ERBB4: variants seen among roughly 807,000 people sequenced by gnomAD.
ERBB4 encodes erb-b2 receptor tyrosine kinase 4, also known as receptor tyrosine-protein kinase erbB-4.
Under a neutral mutation model 158.0 loss-of-function variants are expected in ERBB4, and 42 were observed. The observed-to-expected ratio is 0.27, with a 90% CI of 0.21 to 0.34. The LOEUF (loss-of-function observed/expected upper bound fraction) is 0.34. ERBB4 is among the 10% of genes least tolerant of loss of function. The probability of loss-of-function intolerance (pLI) is 1.00; values close to 1 mark genes in which losing one functional copy is unlikely to be tolerated. For synonymous variants in ERBB4, 583 were observed against 558.7 expected (o/e 1.04, Z -0.61); for missense variants, 1,333 against 1,624.1 (o/e 0.82, Z 3.08).
chr2:211,772,955 A>ATTTTT lies in ERBB4; in HGVS notation c.556+15065_556+15069dup, dbSNP rs1328976588. Among the ~76,000 whole-genome samples, 269 of 83,292 alleles carry ATTTTT rather than the reference A, an allele frequency of 3.2e-3. 20 individuals carry two copies. The Middle Eastern group carries it at 0.033, about 10-fold the overall frequency. 54.6% of individuals were successfully genotyped at this position (83,292 alleles called of 152,430 possible). A position where few individuals can be genotyped will look rare whatever the true frequency, so the allele number is the denominator to read the frequency against. ...TATATATATATATATATATATATAT[A>ATTTTT]TTTTTTTTTTTAAAGATGGGGTCCT... On this transcript the variant is annotated intron_variant, in intron 4 of 27. Transcript: ENST00000342788.
At chr2:211,916,852 C>T (rs1044955471) in intron 3 of ERBB4, among the ~76,000 whole-genome samples, 1 of 152,078 alleles carries the variant, frequency 6.6e-6, no homozygotes, top group Non-Finnish European at 1.5e-5. Context: ...TACATATTTT[C>T]TTCTTAAGAA....
At chr2:212,030,860 G>C (rs2076887061) in intron 2 of ERBB4, among the ~76,000 whole-genome samples, 1 of 152,074 alleles carries the variant, frequency 6.6e-6, no homozygotes, top group South Asian at 2.1e-4. Context: ...GTTTGAAATT[G>C]AGCCAGCCGT....
intron 1 of ERBB4, among the ~76,000 whole-genome samples, chr2:212,171,719 T>G (rs904424236): frequency 4.6e-5 from 7 of 152,184 alleles, no homozygotes; most frequent in Non-Finnish European, 8.8e-5. Context: ...TTCTCTTGCC[T>G]GCTGCCACGT....
At chr2:211,638,983 T>C (rs747946838) in intron 16 of ERBB4, among the ~76,000 whole-genome samples, 1 of 152,126 alleles carries the variant, frequency 6.6e-6, no homozygotes, top group East Asian at 1.9e-4. Flanking sequence ...ATATATAATC[T>C]ATCTAGGAAT....
chr2:211,655,104 G>T (rs555745767), intron 16 of ERBB4, among the ~76,000 whole-genome samples: 2 of 152,204 alleles, frequency 1.3e-5, no homozygotes, highest in African/African-American at 2.4e-5. Context: ...TATCAGTGTG[G>T]TTTTAACCTT....
chr2:212,121,359 C>G (rs1023045859), intron 2 of ERBB4, among the ~76,000 whole-genome samples: 2 of 152,090 alleles, frequency 1.3e-5, no homozygotes, highest in African/African-American at 2.4e-5. Context: ...AGTACAGATG[C>G]CTGCAACCAC....
chr2:211,458,359 C>T (rs930682564), intron 20 of ERBB4, among the ~76,000 whole-genome samples: 4 of 151,974 alleles, frequency 2.6e-5, no homozygotes, highest in Non-Finnish European at 4.4e-5. Flanking sequence ...CTCCGCCTCC[C>T]GGGTTCAAGT....
At chr2:212,522,426 T>C (rs894548489) in intron 1 of ERBB4, among the ~76,000 whole-genome samples, 2 of 151,250 alleles carry the variant, frequency 1.3e-5, no homozygotes, top group East Asian at 3.9e-4. Flanking sequence ...CATTAAATTA[T>C]GAAAAGCGAT....
intron 19 of ERBB4, among the ~76,000 whole-genome samples, chr2:211,611,431 C>CTTTTGCTTTCGCTTTAT (rs1480768549): frequency 2.0e-5 from 3 of 152,154 alleles, no homozygotes; most frequent in Admixed American, 6.6e-5. Flanking sequence ...TTTCGCTTTA[C>CTTTTGCTTTCGCTTTAT]TTTTGCTTTC....
chr2:212,048,074 G>A (rs1042278301), intron 2 of ERBB4, among the ~76,000 whole-genome samples: 4 of 152,126 alleles, frequency 2.6e-5, no homozygotes, highest in African/African-American at 9.7e-5. Context: ...TGCATGTGAA[G>A]TCAGGGAAGA....
At chr2:212,530,422 C>T (rs936399511) in intron 1 of ERBB4, among the ~76,000 whole-genome samples, 1 of 152,124 alleles carries the variant, frequency 6.6e-6, no homozygotes, top group East Asian at 1.9e-4. Context: ...TTCTCACATT[C>T]TTTAAGCCTA....
chr2:211,512,246 T>A (rs2125616222), intron 20 of ERBB4, among the ~76,000 whole-genome samples: 1 of 152,268 alleles, frequency 6.6e-6, no homozygotes, highest in South Asian at 2.1e-4. Flanking sequence ...ATGAACTGAA[T>A]ATCACCTGTT....
intron 1 of ERBB4, among the ~76,000 whole-genome samples, chr2:212,298,198 C>T (rs1025390684): frequency 6.6e-6 from 1 of 151,532 alleles, no homozygotes; most frequent in Non-Finnish European, 1.5e-5. Context: ...CATTAATGTT[C>T]TTTTATGCTG....
intron 5 of ERBB4, among the ~76,000 whole-genome samples, chr2:211,746,023 T>C (rs1444460006): frequency 2.0e-5 from 3 of 152,236 alleles, no homozygotes; most frequent in African/African-American, 7.2e-5. Flanking sequence ...AATTGTAAAA[T>C]TGGGTTAATG....
At chr2:211,817,040 C>T (rs1343127577) in intron 3 of ERBB4, among the ~76,000 whole-genome samples, 1 of 152,170 alleles carries the variant, frequency 6.6e-6, no homozygotes, top group African/African-American at 2.4e-5. Flanking sequence ...ATTCAGCCTG[C>T]CTGGATAATT....
At chr2:211,629,419 A>G (rs960558560) in intron 17 of ERBB4, among the ~76,000 whole-genome samples, 1 of 152,190 alleles carries the variant, frequency 6.6e-6, no homozygotes, top group African/African-American at 2.4e-5. Context: ...ATGGAAGAAC[A>G]TTCCATGCTC....
intron 1 of ERBB4, among the ~76,000 whole-genome samples, chr2:212,535,517 C>G (rs1170315613): frequency 6.6e-6 from 1 of 152,084 alleles, no homozygotes; most frequent in Non-Finnish European, 1.5e-5. Context: ...GAAATGGGAA[C>G]TGAACTTGTT....
At chr2:212,294,332 G>A (rs549581013) in intron 1 of ERBB4, among the ~76,000 whole-genome samples, 1 of 152,006 alleles carries the variant, frequency 6.6e-6, no homozygotes, top group East Asian at 1.9e-4. Context: ...CTAAAACTGA[G>A]AAATTCGTGT....
Position 212,364,813 on chromosome 2 carries a change from T to C in ERBB4, c.82+173636A>G, listed in dbSNP as rs1401556144. The stretch of plus-strand genomic sequence containing the variant: ...GCATTTTATGCATGCCAGTACACTA[T>C]CCATTCAGGATCACTTATTTCAGTG... On this transcript the variant is annotated intron_variant, in intron 1 of 27. Transcript: ENST00000342788. Among the ~76,000 whole-genome samples, 4 of 151,802 alleles carry C rather than the reference T, an allele frequency of 2.6e-5. No homozygotes were observed. The East Asian group carries it at 7.8e-4, about 30-fold the overall frequency.
Sources: allele counts gnomAD v4.1 joint callset (sites outside exome capture counted in the v4.1 genomes callset), GRCh38; gene constraint gnomAD v4.1.1; transcripts MANE v1.5; gene names NCBI Gene and HGNC (gene_info 2026-07-23, HGNC 2026-07-21).